Variants in SPOCK1 observed in about 807,000 individuals in gnomAD.
The protein encoded by SPOCK1 is testican-1.
SPOCK1 carries 23 observed loss-of-function variants against 55.3 expected under a neutral mutation model. That is an observed-to-expected ratio of 0.42 (90% confidence interval 0.30 to 0.59). The LOEUF (loss-of-function observed/expected upper bound fraction) is 0.59. SPOCK1 is among the 20% of genes least tolerant of loss of function. SPOCK1 has a pLI of 0.22. For missense variants in SPOCK1, 499 were observed against 552.5 expected (o/e 0.90, Z 0.97); for synonymous variants, 226 against 221.0 (o/e 1.02, Z -0.20).
chr5:137,138,370 G>A (rs1490678252), intron 4 of SPOCK1, among the ~76,000 whole-genome samples: 1 of 152,148 alleles, frequency 6.6e-6, no homozygotes, highest in Non-Finnish European at 1.5e-5. Flanking sequence ...GAATATCAAT[G>A]AGGCTGCTGA....
intron 5 of SPOCK1, among the ~76,000 whole-genome samples, chr5:137,106,473 G>A (rs1157704727): frequency 6.6e-6 from 1 of 152,178 alleles, no homozygotes; most frequent in Non-Finnish European, 1.5e-5. Context: ...CAGGCAGGAG[G>A]ACTTGCAAGT....
At chr5:137,425,941 A>G (rs1185621751) in intron 2 of SPOCK1, among the ~76,000 whole-genome samples, 2 of 145,720 alleles carry the variant, frequency 1.4e-5, no homozygotes, top group African/African-American at 2.6e-5. Context: ...TTCATCTTCT[A>G]TATTGTTAAG....
intron 5 of SPOCK1, among the ~76,000 whole-genome samples, chr5:137,068,211 G>T (rs192657072): frequency 2.0e-5 from 3 of 152,132 alleles, no homozygotes; most frequent in Non-Finnish European, 2.9e-5. Flanking sequence ...AGGTAACACC[G>T]CTGGAATACC....
At chr5:137,472,946 C>T (rs1753764526) in intron 2 of SPOCK1, among the ~76,000 whole-genome samples, 1 of 152,170 alleles carries the variant, frequency 6.6e-6, no homozygotes, top group African/African-American at 2.4e-5. Flanking sequence ...AGCCCAAATG[C>T]TTCATCACAT....
chr5:137,267,117 T>A (rs528281580), intron 2 of SPOCK1, 62 bp from the exon 3 acceptor site: 5 of 1,403,094 alleles, frequency 3.6e-6, no homozygotes, highest in Non-Finnish European at 5.0e-6. Flanking sequence ...CATAACTGCA[T>A]AAAAACCTGC....
chr5:137,228,477 C>T (rs1755990985), intron 3 of SPOCK1, among the ~76,000 whole-genome samples: 1 of 152,096 alleles, frequency 6.6e-6, no homozygotes, highest in Non-Finnish European at 1.5e-5. Flanking sequence ...TCCATCTCTA[C>T]TAAAAATACA....
intron 2 of SPOCK1, among the ~76,000 whole-genome samples, chr5:137,484,729 T>A (rs552101761): frequency 6.6e-6 from 1 of 152,256 alleles, no homozygotes; most frequent in South Asian, 2.1e-4. Flanking sequence ...GAAAGACTCA[T>A]ATAACCAAAA....
At chr5:137,180,902 T>C (rs1484304177) in intron 3 of SPOCK1, among the ~76,000 whole-genome samples, 1 of 152,180 alleles carries the variant, frequency 6.6e-6, no homozygotes, top group Non-Finnish European at 1.5e-5. Flanking sequence ...GGGTGATAAG[T>C]GGATGGCTTG....
rs144086443 is a variant in SPOCK1 at position 137,353,210 on chromosome 5, T to C, written c.187-86155A>G. On this transcript the variant is annotated intron_variant, in intron 2 of 10. Coordinates refer to ENST00000394945, the MANE Select transcript of SPOCK1 (RefSeq NM_004598.4). ...GCATGGGCAATATGGCAAAACTCCA[T>C]CTCTGCAAAAAAATACAAAAATTAG... 2.7e-3 allele frequency among the ~76,000 whole-genome samples: 408 copies of C among 152,082 alleles called. 2 individuals are homozygous for C. Among genetic ancestry groups the C allele is most frequent in the Admixed American group, 7.7e-3 (118 of 15,260 alleles).
intron 3 of SPOCK1, among the ~76,000 whole-genome samples, chr5:137,211,976 CCT>C (rs1755627285): frequency 6.6e-6 from 1 of 152,096 alleles, no homozygotes; most frequent in Non-Finnish European, 1.5e-5. Flanking sequence ...AAAGTGGTTC[CCT>C]GAGTTCCATG....
At chr5:137,480,701 C>A (rs1395372060) in intron 2 of SPOCK1, among the ~76,000 whole-genome samples, 1 of 152,146 alleles carries the variant, frequency 6.6e-6, no homozygotes. Flanking sequence ...CACCCCATGC[C>A]CTCTAAAGAA....
intron 3 of SPOCK1, among the ~76,000 whole-genome samples, chr5:137,221,228 T>C (rs975922184): frequency 1.3e-5 from 2 of 152,218 alleles, no homozygotes; most frequent in African/African-American, 2.4e-5. Context: ...CTTTTAAATG[T>C]CTGTCCATCC....
intron 2 of SPOCK1, among the ~76,000 whole-genome samples, chr5:137,438,600 T>A (rs1022959743): frequency 8.5e-5 from 13 of 152,198 alleles, no homozygotes; most frequent in African/African-American, 3.1e-4. Flanking sequence ...ACTGTGTGCC[T>A]TTGTAAGAAA....
At position 137,316,841 on chromosome 5, in the gene SPOCK1, C is replaced by T. The variant is rs142398052; in HGVS notation, c.187-49786G>A. 8.1e-3 allele frequency among the ~76,000 whole-genome samples: 1,231 copies of T among 152,292 alleles called. 20 individuals carry two copies. The highest frequency in any genetic ancestry group is 0.027 in the African/African-American group (1,137 of 41,544). On this transcript the variant is annotated intron_variant, in intron 2 of 10. Coordinates refer to ENST00000394945, the MANE Select transcript of SPOCK1 (RefSeq NM_004598.4). ...TTTTCTTATTTAACAGTTAGAATAA[C>T]ACCATTTCTGTGTTCAGCGTGGGCC...
chr5:137,384,544 A>G (rs1751556996), intron 2 of SPOCK1, among the ~76,000 whole-genome samples: 1 of 149,640 alleles, frequency 6.7e-6, no homozygotes, highest in Non-Finnish European at 1.5e-5. Flanking sequence ...ATGTATATAT[A>G]CACACATATA....
chr5:137,262,476 C>A (rs945890468), intron 3 of SPOCK1, among the ~76,000 whole-genome samples: 3 of 152,242 alleles, frequency 2.0e-5, no homozygotes, highest in Non-Finnish European at 2.9e-5. Context: ...CAGACCAACT[C>A]TACTCACTTC....
intron 3 of SPOCK1, among the ~76,000 whole-genome samples, chr5:137,232,160 T>G (rs1756075973): frequency 6.6e-6 from 1 of 152,226 alleles, no homozygotes; most frequent in Non-Finnish European, 1.5e-5. Context: ...TTTCACTTCT[T>G]AACAGAGTTT....
intron 6 of SPOCK1, among the ~76,000 whole-genome samples, chr5:137,010,167 G>T (rs957490455): frequency 2.0e-5 from 3 of 152,066 alleles, no homozygotes; most frequent in African/African-American, 7.2e-5. Context: ...TAAGAATTCT[G>T]CAGTAGTCAC....
At chr5:137,388,461 A>G (rs1346840243) in intron 2 of SPOCK1, among the ~76,000 whole-genome samples, 2 of 152,250 alleles carry the variant, frequency 1.3e-5, no homozygotes, top group Non-Finnish European at 2.9e-5. Context: ...AAGCAAGGTC[A>G]CAAAACTATG....
Sources: gnomAD v4.1 joint callset for allele counts (sites outside exome capture counted in the v4.1 genomes callset) on GRCh38, gnomAD v4.1.1 for gene constraint, MANE v1.5 for transcripts, NCBI Gene and HGNC (gene_info 2026-07-23, HGNC 2026-07-21) for gene names.